ARPP21: variants seen among roughly 807,000 people sequenced by gnomAD.
ARPP21 encodes cAMP-regulated phosphoprotein 21.
A neutral mutation model predicts 113.2 loss-of-function variants in ARPP21; 69 were observed. That is an observed-to-expected ratio of 0.61 (90% CI 0.50 to 0.74). The LOEUF is 0.74. Ranked by LOEUF, ARPP21 falls within the 30% of genes least tolerant of loss-of-function variation. ARPP21 has a pLI of 0.00. For missense variants in ARPP21, 1,070 were observed against 1,037.4 expected, an observed-to-expected ratio of 1.03 and a Z score of -0.43; for synonymous variants, 368 against 375.5, an observed-to-expected ratio of 0.98 and a Z score of 0.23.
At chr3:35,693,887 C>G (rs1303732392) in intron 9 of ARPP21, among the ~76,000 whole-genome samples, 1 of 151,506 alleles carries the variant, frequency 6.6e-6, no homozygotes, top group African/African-American at 2.4e-5. Flanking sequence ...TAATGCTACT[C>G]CAGTGCAAAC....
intron 2 of ARPP21, among the ~76,000 whole-genome samples, 183 bp downstream of exon 2, chr3:35,680,143 C>A (rs1398700003): frequency 2.6e-5 from 4 of 151,864 alleles, no homozygotes; most frequent in Admixed American, 6.6e-5. Context: ...TAAATCTGGT[C>A]ATGTTCTGTT....
At chr3:35,783,393 A>T (rs974090825) in intron 19 of ARPP21, among the ~76,000 whole-genome samples, 15 of 151,094 alleles carry the variant, frequency 9.9e-5, no homozygotes, top group African/African-American at 3.6e-4. Context: ...TCCTTACCCA[A>T]ACTTGAACCT....
At chr3:35,728,352 G>A (rs1355390670) in intron 14 of ARPP21, among the ~76,000 whole-genome samples, 3 of 150,128 alleles carry the variant, frequency 2.0e-5, no homozygotes, top group Non-Finnish European at 1.5e-5. Flanking sequence ...CTGAGTAGAT[G>A]GGACTACAGG....
intron 1 of ARPP21, among the ~76,000 whole-genome samples, chr3:35,659,048 A>G (rs1276917816): frequency 6.6e-6 from 1 of 152,214 alleles, no homozygotes; most frequent in Non-Finnish European, 1.5e-5. Flanking sequence ...TGGATTTCAC[A>G]GCGGGAACCC....
rs776432598 is a variant in ARPP21, at chr3:35,739,518, C to G, written c.1951C>G (p.Gln651Glu). Residue 651 changes from glutamine (Q) to glutamate (E), a missense_variant, in exon 18 of 21, where the codon CAG (glutamine) becomes GAG (glutamate). Gln to Glu is a conservative substitution (Grantham distance 29). Coordinates refer to ENST00000684406, the MANE Select transcript of ARPP21 (RefSeq NM_001385562.1). The part of the protein sequence containing the change: ...FSGSGPPISQ[Q>E]VLQPPPSPQG... ...AGGCTCTGGCCCTCCCATCTCCCAGCAGGTCCTCCAGCCCCCTCCCTCACC... is the reference window on the plus strand; with the variant it reads ...AGGCTCTGGCCCTCCCATCTCCCAGGAGGTCCTCCAGCCCCCTCCCTCACC... 1.9e-6 allele frequency: 3 copies of G among 1,614,054 alleles called. No homozygotes were observed. The African/African-American group carries it at 4.0e-5, about 22-fold the overall frequency.
Position 35,739,394 on chromosome 3 carries a change from A to G in ARPP21, c.1827A>G (p.Ser609=), listed in dbSNP as rs2094532220. The change falls in exon 18 of 21, where the codon TCA becomes TCG. Residue 609 remains serine, a synonymous_variant. Transcript: ENST00000684406. Reference sequence around the variant, plus strand: ...CGGGGGAGACTCCTGAACCCCCATCAGGTCCTGTCTACCCATCCTCCCTTA... The same window carrying G: ...CGGGGGAGACTCCTGAACCCCCATCGGGTCCTGTCTACCCATCCTCCCTTA... ...QSSGETPEPP[S]GPVYPSSLMP... 1.2e-6 allele frequency: 2 copies of G among 1,614,106 alleles called. No individual in the cohort carries two copies. Among genetic ancestry groups the G allele is most frequent in the Non-Finnish European group, 1.7e-6 (2 of 1,180,028 alleles).
At chr3:35,755,890 T>C (rs2095552537) in intron 19 of ARPP21, among the ~76,000 whole-genome samples, 1 of 152,112 alleles carries the variant, frequency 6.6e-6, no homozygotes, top group East Asian at 1.9e-4. Flanking sequence ...TTTAGTGGTA[T>C]TCCAATTTTG....
chr3:35,787,131 A>G (rs1979576), intron 19 of ARPP21, among the ~76,000 whole-genome samples: 66,095 of 152,038 alleles, frequency 0.43, 15,722 homozygotes, highest in African/African-American at 0.6. Context: ...GTGGCCTGAG[A>G]GGTCTTTATT....
chr3:35,748,676 C>T (rs1449031074), intron 19 of ARPP21, among the ~76,000 whole-genome samples: 1 of 152,188 alleles, frequency 6.6e-6, no homozygotes, highest in Non-Finnish European at 1.5e-5. Flanking sequence ...GATGAACAAA[C>T]ATTTCATTCC....
At chr3:35,665,931 G>A (rs2074256161) in intron 1 of ARPP21, among the ~76,000 whole-genome samples, 1 of 152,054 alleles carries the variant, frequency 6.6e-6, no homozygotes, top group African/African-American at 2.4e-5. Flanking sequence ...TAGAATGTGT[G>A]CATTGTTGTG....
intron 9 of ARPP21, among the ~76,000 whole-genome samples, chr3:35,703,458 T>C (rs920094691): frequency 1.3e-5 from 2 of 151,958 alleles, no homozygotes; most frequent in South Asian, 2.1e-4. Context: ...GCCAGTGCTC[T>C]TCACTATACA....
intron 5 of ARPP21, chr3:35,684,930 C>T (rs1466448902): frequency 1.0e-6 from 1 of 984,946 alleles, no homozygotes; most frequent in Non-Finnish European, 1.2e-6. Flanking sequence ...AAATGTGTGG[C>T]TTTCCTTCAG....
At chr3:35,774,562 G>A (rs899850476) in intron 19 of ARPP21, among the ~76,000 whole-genome samples, 5 of 152,062 alleles carry the variant, frequency 3.3e-5, no homozygotes, top group Admixed American at 1.3e-4. Context: ...AGCAGACTCC[G>A]TTTGAATTGT....
intron 19 of ARPP21, among the ~76,000 whole-genome samples, chr3:35,759,712 C>T (rs1023422058): frequency 1.7e-5 from 2 of 116,658 alleles, no homozygotes; most frequent in Admixed American, 8.2e-5. Flanking sequence ...GTGTGTATGA[C>T]TTAAACAACT....
At chr3:35,668,745 A>G (rs2075589779) in intron 1 of ARPP21, among the ~76,000 whole-genome samples, 1 of 152,046 alleles carries the variant, frequency 6.6e-6, no homozygotes, top group Non-Finnish European at 1.5e-5. Flanking sequence ...ATATGCTTAG[A>G]CTTCTTTGGT....
intron 9 of ARPP21, among the ~76,000 whole-genome samples, chr3:35,702,713 C>T (rs1221236381): frequency 6.6e-6 from 1 of 151,692 alleles, no homozygotes; most frequent in Non-Finnish European, 1.5e-5. Flanking sequence ...GGCTACTTAG[C>T]ACTGCACATA....
intron 1 of ARPP21, among the ~76,000 whole-genome samples, chr3:35,642,719 G>A (rs536107703): frequency 7.9e-4 from 120 of 152,186 alleles, no homozygotes; most frequent in African/African-American, 2.6e-3. Context: ...CTTGTAAAAC[G>A]TTCTGCGAAT....
At chr3:35,775,359 C>G (rs1395275072) in intron 19 of ARPP21, among the ~76,000 whole-genome samples, 1 of 152,164 alleles carries the variant, frequency 6.6e-6, no homozygotes, top group Non-Finnish European at 1.5e-5. Context: ...TTCAACAAAA[C>G]TTTCACTGTG....
At chr3:35,753,971 T>G (rs78975221) in intron 19 of ARPP21, among the ~76,000 whole-genome samples, 1 of 151,616 alleles carries the variant, frequency 6.6e-6, no homozygotes, top group Non-Finnish European at 1.5e-5. Flanking sequence ...GAAGGTTTTT[T>G]TTTTTTTTTT....
Sources: allele counts gnomAD v4.1 joint callset (sites outside exome capture counted in the v4.1 genomes callset), GRCh38; gene constraint gnomAD v4.1.1; transcripts MANE v1.5; gene names NCBI Gene and HGNC (gene_info 2026-07-23, HGNC 2026-07-21).